Variants in CDYL observed in about 807,000 individuals in gnomAD.
The protein encoded by CDYL is chromodomain Y-like protein.
A neutral mutation model predicts 47.3 loss-of-function variants in CDYL; 8 were observed. The observed-to-expected ratio is 0.17, with a 90% CI of 0.10 to 0.31. CDYL has a LOEUF of 0.31. Ranked by LOEUF, CDYL falls within the 10% of genes least tolerant of loss-of-function variation. The pLI, the probability that CDYL is intolerant of heterozygous loss-of-function variation, is 1.00. For missense variants in CDYL, 471 were observed against 701.4 expected (o/e 0.67, Z 3.71); for synonymous variants, 266 against 265.0 (o/e 1.00, Z -0.04).
intron 1 of CDYL, among the ~76,000 whole-genome samples, chr6:4,789,773 T>C (rs1297195434): frequency 6.6e-6 from 1 of 152,202 alleles, no homozygotes; most frequent in Non-Finnish European, 1.5e-5. Context: ...GGTGTTACTC[T>C]TCTCACCTGC....
intron 1 of CDYL, among the ~76,000 whole-genome samples, chr6:4,796,158 C>T (rs545071777): frequency 2.0e-5 from 3 of 152,258 alleles, no homozygotes; most frequent in Admixed American, 6.5e-5. Flanking sequence ...GTCTCGAACT[C>T]GTGACCTCAT....
chr6:4,737,442 C>T (rs564825154), intron 3 of CDYL, among the ~76,000 whole-genome samples: 260 of 152,142 alleles, frequency 1.7e-3, no homozygotes, highest in Non-Finnish European at 2.8e-3. Flanking sequence ...CACCTGAGGT[C>T]AGGAGTTTGA....
intron 1 of CDYL, among the ~76,000 whole-genome samples, chr6:4,853,289 C>T (rs1280079917): frequency 1.3e-5 from 2 of 152,204 alleles, no homozygotes; most frequent in East Asian, 1.9e-4. Context: ...ATAACAACCG[C>T]GAGGGTAGAT....
chr6:4,709,667 T>G (rs1296725924), intron 1 of CDYL, among the ~76,000 whole-genome samples: 2 of 152,152 alleles, frequency 1.3e-5, no homozygotes, highest in African/African-American at 4.8e-5. Flanking sequence ...GTCTCTCTAT[T>G]CTCTATATCT....
intron 1 of CDYL, among the ~76,000 whole-genome samples, chr6:4,711,648 G>A (rs1757154744): frequency 6.6e-6 from 1 of 152,122 alleles, no homozygotes; most frequent in Non-Finnish European, 1.5e-5. Flanking sequence ...TGGACTTATT[G>A]CTGACATACA....
chr6:4,836,836 T>C (rs1035841661), intron 1 of CDYL, among the ~76,000 whole-genome samples: 2 of 152,166 alleles, frequency 1.3e-5, no homozygotes, highest in African/African-American at 4.8e-5. Flanking sequence ...ATGGAGATGG[T>C]CCTATCACTT....
intron 2 of CDYL, among the ~76,000 whole-genome samples, chr6:4,906,473 G>A (rs888239019): frequency 6.6e-6 from 1 of 152,166 alleles, no homozygotes; most frequent in African/African-American, 2.4e-5. Context: ...CCTGCTTCAT[G>A]ACAGTACAAG....
chr6:4,927,454 T>TGC (rs1187802499), intron 2 of CDYL, among the ~76,000 whole-genome samples: 1 of 151,898 alleles, frequency 6.6e-6, no homozygotes, highest in Non-Finnish European at 1.5e-5. Context: ...TGTGTGTGTG[T>TGC]GTGTGTCTTT....
At position 4,776,741 on chromosome 6, in the gene CDYL, C is replaced by T. The variant is rs777308001; in HGVS notation, c.-43C>T. 8.0e-7 allele frequency: 1 copy of T among 1,256,352 alleles called. No individual in the cohort carries two copies. The highest frequency in any genetic ancestry group is 1.0e-6 in the Non-Finnish European group (1 of 970,508). 77.8% of individuals were successfully genotyped at this position (1,256,352 alleles called of 1,614,324 possible). On this transcript the variant is annotated 5_prime_UTR_variant, in exon 1 of 7. Transcript: ENST00000397588. ...GTGTCGGCCGCCCGGCGCCGGCGCC[C>T]GCCCCGACCCTGCCCCTCCCGCCCG...
At chr6:4,915,208 G>A (rs757752767) in intron 2 of CDYL, among the ~76,000 whole-genome samples, 10 of 152,104 alleles carry the variant, frequency 6.6e-5, no homozygotes, top group East Asian at 1.9e-4. Flanking sequence ...TCCTAGATTC[G>A]GATTTGTCAA....
intron 5 of CDYL, among the ~76,000 whole-genome samples, chr6:4,951,635 A>G (rs1404589487): frequency 6.6e-6 from 1 of 151,910 alleles, no homozygotes; most frequent in African/African-American, 2.4e-5. Flanking sequence ...CAAGCCCTGG[A>G]TAGTTCTGTC....
intron 3 of CDYL, among the ~76,000 whole-genome samples, chr6:4,750,060 C>T (rs1033355908): frequency 6.6e-6 from 1 of 152,092 alleles, no homozygotes; most frequent in Non-Finnish European, 1.5e-5. Context: ...CTGTAAAGGC[C>T]AGGCATGGTG....
intron 1 of CDYL, among the ~76,000 whole-genome samples, chr6:4,859,691 C>A (rs1761108177): frequency 6.6e-6 from 1 of 152,028 alleles, no homozygotes; most frequent in Non-Finnish European, 1.5e-5. Flanking sequence ...TCTTGAGATA[C>A]CCCGTTTACA....
At chr6:4,857,158 G>A (rs76227916) in intron 1 of CDYL, among the ~76,000 whole-genome samples, 1,855 of 152,218 alleles carry the variant, frequency 0.012, 44 homozygotes, top group African/African-American at 0.042. Flanking sequence ...TGAAATATAC[G>A]TGACAAAGTT....
At chr6:4,754,871 C>T (rs1166202418) in intron 3 of CDYL, among the ~76,000 whole-genome samples, 2 of 152,148 alleles carry the variant, frequency 1.3e-5, no homozygotes, top group Non-Finnish European at 2.9e-5. Context: ...TTCCTGAAAT[C>T]ACTCTGAAAT....
At chr6:4,940,453 G>A (rs976809276) in intron 4 of CDYL, among the ~76,000 whole-genome samples, 49 of 152,122 alleles carry the variant, frequency 3.2e-4, no homozygotes, top group African/African-American at 1.1e-3. Context: ...TTAAAACTTG[G>A]AGGCAAAGGA....
chr6:4,738,800 A>G (rs981426433), intron 3 of CDYL, among the ~76,000 whole-genome samples: 2 of 152,236 alleles, frequency 1.3e-5, no homozygotes, highest in African/African-American at 4.8e-5. Context: ...TAAATAAACT[A>G]CAATGGAACA....
intron 3 of CDYL, among the ~76,000 whole-genome samples, chr6:4,739,256 T>G (rs2127416431): frequency 6.6e-6 from 1 of 150,394 alleles, no homozygotes; most frequent in Non-Finnish European, 1.5e-5. Flanking sequence ...AGTGGCTCAC[T>G]CCTGTAATCC....
intron 2 of CDYL, among the ~76,000 whole-genome samples, chr6:4,905,023 G>A (rs1757186696): frequency 1.3e-5 from 2 of 152,164 alleles, no homozygotes; most frequent in Admixed American, 6.5e-5. Flanking sequence ...CATTAGGATG[G>A]CGACCACTGC....
Sources: allele counts gnomAD v4.1 joint callset (sites outside exome capture counted in the v4.1 genomes callset), GRCh38; gene constraint gnomAD v4.1.1; transcripts MANE v1.5; gene names NCBI Gene and HGNC (gene_info 2026-07-23, HGNC 2026-07-21).